DOCK2: variants seen among roughly 807,000 people sequenced by gnomAD.
DOCK2 encodes the protein dedicator of cytokinesis 2, also known as dedicator of cytokinesis protein 2.
A neutral mutation model predicts 248.9 loss-of-function variants in DOCK2; 87 were observed. The observed-to-expected ratio is 0.35, with a 90% CI of 0.29 to 0.42. The LOEUF is 0.42. DOCK2 is among the 10% of genes least tolerant of loss of function. The pLI is 1.00. For missense variants in DOCK2, 1,747 were observed against 2,300.2 expected, an observed-to-expected ratio of 0.76 and a Z score of 4.92; for synonymous variants, 805 against 821.6, an observed-to-expected ratio of 0.98 and a Z score of 0.35.
intron 8 of DOCK2, among the ~76,000 whole-genome samples, chr5:169,686,932 C>G (rs1274098769): frequency 6.6e-6 from 1 of 152,074 alleles, no homozygotes; most frequent in East Asian, 1.9e-4. Flanking sequence ...ACTCCTCGTT[C>G]CTCTGAGTAG....
At chr5:169,698,281 G>A in intron 10 of DOCK2, 93 bp from the exon 11 acceptor site, 2 of 1,320,456 alleles carry the variant, frequency 1.5e-6, no homozygotes, top group Non-Finnish European at 1.1e-6. Context: ...GGCATCCCAG[G>A]CTCTACCTCC....
intron 27 of DOCK2, among the ~76,000 whole-genome samples, chr5:169,911,931 T>C (rs1774619937): frequency 6.6e-6 from 1 of 152,228 alleles, no homozygotes. Context: ...ATTAAATATC[T>C]TTCTGTTTTC....
intron 26 of DOCK2, among the ~76,000 whole-genome samples, chr5:169,823,527 CT>C (rs1768623708): frequency 6.6e-6 from 1 of 152,128 alleles, no homozygotes; most frequent in Admixed American, 6.6e-5. Flanking sequence ...AACCACATGA[CT>C]GTCTCAATAG....
At chr5:169,686,109 A>C (rs1307372499) in intron 8 of DOCK2, among the ~76,000 whole-genome samples, 1 of 152,116 alleles carries the variant, frequency 6.6e-6, no homozygotes, top group African/African-American at 2.4e-5. Context: ...CCCACCTTGA[A>C]ATGGTTTGGG....
At chr5:170,078,212 C>T (rs746691195) in intron 48 of DOCK2, among the ~76,000 whole-genome samples, 3 of 152,190 alleles carry the variant, frequency 2.0e-5, no homozygotes, top group Non-Finnish European at 2.9e-5. Flanking sequence ...CTCCCAACCA[C>T]GATGGGATGT....
intron 27 of DOCK2, among the ~76,000 whole-genome samples, chr5:169,967,460 A>G (rs912577998): frequency 6.6e-6 from 1 of 152,182 alleles, no homozygotes; most frequent in African/African-American, 2.4e-5. Flanking sequence ...GGGAATTAGT[A>G]TAAGTTCTGT....
intron 40 of DOCK2, among the ~76,000 whole-genome samples, chr5:170,049,847 C>A (rs1282521004): frequency 2.0e-5 from 3 of 152,166 alleles, no homozygotes; most frequent in African/African-American, 4.8e-5. Flanking sequence ...AGCCAGAAGC[C>A]AGGTGATGAG....
At chr5:169,655,311 C>T (rs1412099504) in intron 2 of DOCK2, among the ~76,000 whole-genome samples, 2 of 152,178 alleles carry the variant, frequency 1.3e-5, no homozygotes, top group African/African-American at 4.8e-5. Context: ...CCTGGGCTTC[C>T]TGTGTCTCGG....
chr5:169,647,898 A>G (rs1462541194), intron 1 of DOCK2, among the ~76,000 whole-genome samples: 1 of 152,116 alleles, frequency 6.6e-6, no homozygotes, highest in Non-Finnish European at 1.5e-5. Context: ...ACTAGATTTC[A>G]CAGAAGCTCA....
intron 23 of DOCK2, among the ~76,000 whole-genome samples, chr5:169,750,494 C>G (rs1164502340): frequency 2.0e-5 from 3 of 152,114 alleles, no homozygotes; most frequent in African/African-American, 7.2e-5. Context: ...TAAACATTGT[C>G]TGCAAAAGAA....
At chr5:169,938,366 G>A (rs954591000) in intron 27 of DOCK2, among the ~76,000 whole-genome samples, 2 of 152,086 alleles carry the variant, frequency 1.3e-5, no homozygotes, top group African/African-American at 2.4e-5. Flanking sequence ...GAACATCAGA[G>A]TGTACTCACA....
intron 8 of DOCK2, among the ~76,000 whole-genome samples, chr5:169,688,857 G>T (rs1294217859): frequency 6.6e-6 from 1 of 152,162 alleles, no homozygotes; most frequent in African/African-American, 2.4e-5. Context: ...CTTGAATGGG[G>T]AACGGGCCGG....
chr5:170,041,214 T>C, intron 37 of DOCK2, 69 bp downstream of exon 37: 3 of 1,390,416 alleles, frequency 2.2e-6, no homozygotes, highest in Non-Finnish European at 3.0e-6. Flanking sequence ...AGTTGAAGAG[T>C]GAAAAAAGAA....
chr5:170,047,668 T>A, intron 40 of DOCK2, 54 bp downstream of exon 40: 1 of 1,502,046 alleles, frequency 6.7e-7, no homozygotes, highest in East Asian at 2.3e-5. Flanking sequence ...CCTCGGCATC[T>A]CAGCGGTCCT....
intron 22 of DOCK2, among the ~76,000 whole-genome samples, chr5:169,743,931 T>TTATA (rs995676509): frequency 6.7e-6 from 1 of 148,858 alleles, no homozygotes; most frequent in African/African-American, 2.4e-5. Flanking sequence ...ATTTATATTA[T>TTATA]TATATATATA....
chr5:169,857,128 C>T (rs545260005), intron 27 of DOCK2, among the ~76,000 whole-genome samples: 1 of 152,252 alleles, frequency 6.6e-6, no homozygotes, highest in Non-Finnish European at 1.5e-5. Context: ...TTAGTTAGAC[C>T]TTGTCTCTTA....
chr5:169,862,629 T>C (rs557750962), intron 27 of DOCK2, among the ~76,000 whole-genome samples: 37 of 152,358 alleles, frequency 2.4e-4, no homozygotes, highest in African/African-American at 8.4e-4. Context: ...TCTGATTCTG[T>C]GGGCTTAAAC....
intron 14 of DOCK2, among the ~76,000 whole-genome samples, chr5:169,703,664 T>C (rs1008808681): frequency 6.6e-6 from 1 of 152,266 alleles, no homozygotes; most frequent in African/African-American, 2.4e-5. Context: ...AGACTGGTCA[T>C]GTTAATTAGT....
chr5:169,983,322 C>A (rs1777987804), intron 28 of DOCK2, among the ~76,000 whole-genome samples, 156 bp downstream of exon 28: 2 of 152,192 alleles, frequency 1.3e-5, no homozygotes, highest in Non-Finnish European at 2.9e-5. Flanking sequence ...GGTTTAAGAG[C>A]ATGACTGTTA....
Sources: allele counts gnomAD v4.1 joint callset (sites outside exome capture counted in the v4.1 genomes callset), GRCh38; gene constraint gnomAD v4.1.1; transcripts MANE v1.5; gene names NCBI Gene and HGNC (gene_info 2026-07-23, HGNC 2026-07-21).